H2BC4: variants seen among roughly 807,000 people sequenced by gnomAD.
The protein encoded by H2BC4 is histone H2B type 1-C/E/F/G/I.
Under a neutral mutation model 6.2 loss-of-function variants are expected in H2BC4, and 10 were observed. The observed-to-expected ratio is 1.61, with a 90% CI of 0.99 to 2.73. The LOEUF (loss-of-function observed/expected upper bound fraction) is 2.73, where lower values mean the gene tolerates loss of function less well. Ranked by LOEUF, H2BC4 falls within the 30% of genes most tolerant of loss-of-function variation. The pLI is 0.00. For missense variants in H2BC4, 176 were observed against 168.7 expected, an observed-to-expected ratio of 1.04 and a Z score of -0.24; for synonymous variants, 146 against 70.7, an observed-to-expected ratio of 2.07 and a Z score of -5.35.
downstream of H2BC4, among the ~76,000 whole-genome samples, chr6:26,114,222 T>C (rs1414259061): frequency 6.6e-6 from 1 of 152,236 alleles, no homozygotes; most frequent in Non-Finnish European, 1.5e-5. Flanking sequence ...TAAATATTTA[T>C]GTGGCCTTAA....
At chr6:26,114,798 TTA>T (rs1763398989), downstream of H2BC4, 1 of 151,880 alleles carries the variant, frequency 6.6e-6, no homozygotes, top group Non-Finnish European at 1.5e-5. Context: ...TAAATTTATT[TTA>T]TATATGATAC....
At chr6:26,123,339 G>T, downstream of H2BC4, 3 of 1,076,058 alleles carry the variant, frequency 2.8e-6, no homozygotes, top group Non-Finnish European at 3.9e-6. Context: ...CTTCTTTCGG[G>T]TTCAGGACCC....
chr6:26,123,430 A>T (rs189878433), downstream of H2BC4: 440 of 1,558,750 alleles, frequency 2.8e-4, 9 homozygotes, highest in East Asian at 9.2e-3. Context: ...CGCCAAATAA[A>T]ATTTGGCGTC....
At chr6:26,123,266 C>T (rs1763533195), downstream of H2BC4, 1 of 593,996 alleles carries the variant, frequency 1.7e-6, no homozygotes, top group Non-Finnish European at 2.7e-6. Flanking sequence ...GCAAAATGGC[C>T]GCTTGTCTCC....
chr6:26,119,748 T>C (rs1002557412), downstream of H2BC4, among the ~76,000 whole-genome samples: 4 of 151,826 alleles, frequency 2.6e-5, no homozygotes, highest in African/African-American at 9.7e-5. Context: ...GCTAATATTA[T>C]TTTTACAGTA....
intron 1 of H2BC4, among the ~76,000 whole-genome samples, chr6:26,117,043 G>T (rs368536994): frequency 2.2e-4 from 33 of 152,230 alleles, no homozygotes; most frequent in African/African-American, 7.7e-4. Flanking sequence ...AGATTTAAGA[G>T]AAATGATAGT....
downstream of H2BC4, among the ~76,000 whole-genome samples, chr6:26,122,223 C>T (rs1763507605): frequency 6.6e-6 from 1 of 152,052 alleles, no homozygotes; most frequent in Non-Finnish European, 1.5e-5. Flanking sequence ...TAGTTTATTT[C>T]CCAGGTGTGA....
downstream of H2BC4, among the ~76,000 whole-genome samples, chr6:26,122,147 A>G (rs896019646): frequency 6.6e-6 from 1 of 152,080 alleles, no homozygotes; most frequent in African/African-American, 2.4e-5. Context: ...TTATCTAGGC[A>G]AGGCAGCCTG....
At chr6:26,122,736 T>C (rs936034186), downstream of H2BC4, among the ~76,000 whole-genome samples, 2 of 152,206 alleles carry the variant, frequency 1.3e-5, no homozygotes, top group Non-Finnish European at 2.9e-5. Context: ...TACGGAGATT[T>C]TAAGTTTCAA....
In H2BC4 at chr6:26,123,865, C is replaced by T; in HGVS notation, c.40G>A (p.Gly14Ser). 1.2e-6 allele frequency: 2 copies of T among 1,614,206 alleles called. No homozygotes were observed. The highest frequency in any genetic ancestry group is 1.7e-6 in the Non-Finnish European group (2 of 1,180,042). The change falls in exon 1 of 1, where the codon GGC (glycine) becomes AGC (serine). Residue 14 changes from glycine to serine, a missense_variant. Coordinates refer to ENST00000396984, the MANE Select transcript of H2BC4 (RefSeq NM_003526.3). ...GCTTTGGTCACTGCCTTCTTGGAGC[C>T]CTTCTTCGGGGCGGGAGCAGACTTG... ...PAKSAPAPKK[G>S]SKKAVTKAQK...
intron 1 of H2BC4, among the ~76,000 whole-genome samples, chr6:26,116,880 G>T (rs1182942209): frequency 2.6e-5 from 4 of 152,106 alleles, no homozygotes; most frequent in African/African-American, 9.7e-5. Flanking sequence ...TGTTACAGTG[G>T]TATACTCTAC....
downstream of H2BC4, among the ~76,000 whole-genome samples, chr6:26,122,919 A>T (rs532240642): frequency 4.6e-5 from 7 of 152,308 alleles, no homozygotes; most frequent in South Asian, 1.2e-3. Flanking sequence ...AAACTGACGC[A>T]TATTAGGTTA....
At chr6:26,118,880 T>C (rs892461039), downstream of H2BC4, among the ~76,000 whole-genome samples, 1 of 152,198 alleles carries the variant, frequency 6.6e-6, no homozygotes, top group Non-Finnish European at 1.5e-5. Flanking sequence ...ATTGTTATAA[T>C]GTTGTCAGAG....
chr6:26,114,752 T>C (rs1276726797), downstream of H2BC4: 2 of 151,858 alleles, frequency 1.3e-5, no homozygotes, highest in Non-Finnish European at 2.9e-5. Context: ...TAAAAAAGTT[T>C]CTAAGTATAT....
chr6:26,123,185 C>T (rs1252634094), downstream of H2BC4, among the ~76,000 whole-genome samples: 2 of 152,318 alleles, frequency 1.3e-5, no homozygotes, highest in East Asian at 1.9e-4. Flanking sequence ...ATCCTGGCGA[C>T]GTAGACAGGG....
Position 26,123,890 on chromosome 6 carries a change from G to A in H2BC4, c.15C>T (p.Ala5=), listed in dbSNP as rs368610585. 174 of 1,613,930 alleles carry A rather than the reference G, an allele frequency of 1.1e-4. No homozygotes were observed. Among genetic ancestry groups the A allele is most frequent in the Non-Finnish European group, 1.4e-4 (166 of 1,179,982 alleles). Residue 5 remains alanine, a synonymous_variant, in exon 1 of 1, where the codon GCC becomes GCT. Transcript: ENST00000396984. MPEP[A]KSAPAPKKGS... is the part of the protein sequence containing the mutation. ...CCTTCTTCGGGGCGGGAGCAGACTT[G>A]GCTGGCTCAGGCATCTTAAAACACC...
intron 1 of H2BC4, among the ~76,000 whole-genome samples, chr6:26,116,766 T>G (rs561671913): frequency 6.6e-6 from 1 of 152,226 alleles, no homozygotes; most frequent in Non-Finnish European, 1.5e-5. Flanking sequence ...CCAGATTTAC[T>G]CTCTTTTTCT....
chr6:26,114,930 T>C (rs546660793), exon 2 of H2BC4: 7 of 152,160 alleles, frequency 4.6e-5, no homozygotes, highest in Non-Finnish European at 4.4e-5. Context: ...TAAATTTCTA[T>C]GAAGAATATT....
At chr6:26,115,163 T>G (rs965259420) in intron 1 of H2BC4, 1 of 152,208 alleles carries the variant, frequency 6.6e-6, no homozygotes, top group African/African-American at 2.4e-5. Flanking sequence ...AGTGATTGAT[T>G]CACTTCTGTA....
Sources: gnomAD v4.1 joint callset for allele counts (sites outside exome capture counted in the v4.1 genomes callset) on GRCh38, gnomAD v4.1.1 for gene constraint, MANE v1.5 for transcripts, NCBI Gene and HGNC (gene_info 2026-07-23, HGNC 2026-07-21) for gene names.